ATXN1: variants seen among roughly 807,000 people sequenced by gnomAD.
The protein encoded by ATXN1 is ataxin 1, also known as ataxin-1.
A neutral mutation model predicts 56.4 loss-of-function variants in ATXN1; 8 were observed. The ratio of observed to expected loss-of-function variants is 0.14; its 90% confidence interval spans 0.08 to 0.26. ATXN1 has a LOEUF of 0.26. Ranked by LOEUF, ATXN1 falls within the 10% of genes least tolerant of loss-of-function variation. ATXN1 has a pLI of 1.00. For missense variants in ATXN1, 987 were observed against 1,106.5 expected (o/e 0.89, Z 1.53); for synonymous variants, 514 against 494.6 (o/e 1.04, Z -0.52).
At chr6:16,550,155 C>CAAAAA (rs70999336) in intron 4 of ATXN1, among the ~76,000 whole-genome samples, 91 of 91,002 alleles carry the variant, frequency 1.0e-3, no homozygotes, top group Non-Finnish European at 1.2e-3. Flanking sequence ...AAATAAAATA[C>CAAAAA]AAAAAAAAAA....
intron 2 of ATXN1, among the ~76,000 whole-genome samples, chr6:16,685,556 C>T (rs988681160): frequency 6.6e-6 from 1 of 152,098 alleles, no homozygotes; most frequent in Non-Finnish European, 1.5e-5. Flanking sequence ...AGCAGTACTC[C>T]CTGCTAGAAT....
intron 1 of ATXN1, among the ~76,000 whole-genome samples, chr6:16,758,825 G>A (rs1024814613): frequency 1.3e-5 from 2 of 152,184 alleles, no homozygotes; most frequent in South Asian, 2.1e-4. Context: ...ATTTATTTGC[G>A]GAGCTGCTAA....
At chr6:16,552,667 T>C (rs999800719) in intron 4 of ATXN1, among the ~76,000 whole-genome samples, 12 of 152,242 alleles carry the variant, frequency 7.9e-5, no homozygotes, top group African/African-American at 2.9e-4. Flanking sequence ...TCTGCCCACA[T>C]CCAGCATCTA....
chr6:16,690,679 G>A (rs1435539801), intron 2 of ATXN1, among the ~76,000 whole-genome samples: 1 of 152,110 alleles, frequency 6.6e-6, no homozygotes, highest in Non-Finnish European at 1.5e-5. Flanking sequence ...GATTGGCAGA[G>A]GCCTTAGAAA....
intron 3 of ATXN1, among the ~76,000 whole-genome samples, chr6:16,655,003 C>G (rs192502899): frequency 1.5e-4 from 23 of 152,256 alleles, no homozygotes; most frequent in African/African-American, 5.1e-4. Flanking sequence ...AGAGTGACAT[C>G]TGAGCATCAT....
intron 5 of ATXN1, among the ~76,000 whole-genome samples, chr6:16,496,023 G>A (rs951805699): frequency 2.6e-5 from 4 of 152,038 alleles, no homozygotes; most frequent in East Asian, 1.9e-4. Flanking sequence ...ATAATATTAC[G>A]TCAACAGCAC....
At chr6:16,732,359 T>G (rs1440905067) in intron 2 of ATXN1, among the ~76,000 whole-genome samples, 1 of 152,026 alleles carries the variant, frequency 6.6e-6, no homozygotes, top group Non-Finnish European at 1.5e-5. Context: ...TCACTTGAGG[T>G]CAGGAGTTTG....
chr6:16,551,919 A>G (rs1385500268), intron 4 of ATXN1, among the ~76,000 whole-genome samples: 3 of 152,228 alleles, frequency 2.0e-5, no homozygotes, highest in African/African-American at 7.2e-5. Flanking sequence ...GGAAGAGCAA[A>G]AAGAGGAGCG....
At chr6:16,375,352 A>G (rs1333582036) in intron 6 of ATXN1, among the ~76,000 whole-genome samples, 1 of 152,238 alleles carries the variant, frequency 6.6e-6, no homozygotes, top group Non-Finnish European at 1.5e-5. Context: ...GTTACTTAGA[A>G]TCCAAAGCAA....
chr6:16,440,671 T>C (rs1056714859), intron 6 of ATXN1, among the ~76,000 whole-genome samples: 1 of 85,302 alleles, frequency 1.2e-5, no homozygotes, highest in Non-Finnish European at 2.4e-5. Context: ...AAGAAAAAAT[T>C]AAAGCGGGAA....
chr6:16,538,761 C>T (rs1463914889), intron 4 of ATXN1, among the ~76,000 whole-genome samples: 1 of 152,186 alleles, frequency 6.6e-6, no homozygotes, highest in Non-Finnish European at 1.5e-5. Flanking sequence ...TCTCGGCTCA[C>T]TGCAACCTAC....
At chr6:16,489,736 T>C (rs368879988) in intron 5 of ATXN1, among the ~76,000 whole-genome samples, 2 of 152,114 alleles carry the variant, frequency 1.3e-5, no homozygotes, top group South Asian at 4.2e-4. Context: ...GAAGGTGGCT[T>C]GAGCTCAGGA....
chr6:16,464,307 A>G (rs1434831633), intron 6 of ATXN1, among the ~76,000 whole-genome samples: 1 of 152,218 alleles, frequency 6.6e-6, no homozygotes, highest in African/African-American at 2.4e-5. Flanking sequence ...AAATGCATCA[A>G]TCAGCAGGAT....
At chr6:16,637,070 A>G (rs1264745180) in intron 3 of ATXN1, among the ~76,000 whole-genome samples, 3 of 152,192 alleles carry the variant, frequency 2.0e-5, no homozygotes, top group Non-Finnish European at 2.9e-5. Flanking sequence ...GGCACTATTC[A>G]CAATAGCAAA....
intron 4 of ATXN1, among the ~76,000 whole-genome samples, chr6:16,573,667 C>A (rs375675083): frequency 3.9e-5 from 6 of 152,190 alleles, no homozygotes; most frequent in African/African-American, 1.4e-4. Flanking sequence ...GTTATCCCCA[C>A]AGCTGTCAAA....
At chr6:16,395,672 C>T (rs974509272) in intron 6 of ATXN1, among the ~76,000 whole-genome samples, 4 of 152,054 alleles carry the variant, frequency 2.6e-5, no homozygotes, top group Admixed American at 6.6e-5. Context: ...TGTGTATTTA[C>T]GATACTATAC....
intron 6 of ATXN1, among the ~76,000 whole-genome samples, chr6:16,348,844 T>C (rs1761504453): frequency 6.6e-6 from 1 of 152,210 alleles, no homozygotes; most frequent in Admixed American, 6.5e-5. Flanking sequence ...CAGTTCAAAC[T>C]ACCTCCTATG....
At chr6:16,399,154 G>A (rs1441937854) in intron 6 of ATXN1, among the ~76,000 whole-genome samples, 1 of 152,198 alleles carries the variant, frequency 6.6e-6, no homozygotes, top group Non-Finnish European at 1.5e-5. Context: ...TGACCTTGTG[G>A]CTGGAAAACA....
chr6:16,528,976 C>G (rs536716920), intron 4 of ATXN1, among the ~76,000 whole-genome samples: 1 of 152,176 alleles, frequency 6.6e-6, no homozygotes, highest in East Asian at 1.9e-4. Context: ...GTCAGGAGTT[C>G]GAGACCAGCC....
Sources: gnomAD v4.1 joint callset for allele counts (sites outside exome capture counted in the v4.1 genomes callset) on GRCh38, gnomAD v4.1.1 for gene constraint, MANE v1.5 for transcripts, NCBI Gene and HGNC (gene_info 2026-07-23, HGNC 2026-07-21) for gene names.